SMARCD3: variants seen among roughly 807,000 people sequenced by gnomAD.
The protein encoded by SMARCD3 is SWI/SNF related BAF chromatin remodeling complex subunit D3.
In SMARCD3, 14 loss-of-function variants were observed where a neutral mutation model predicts 58.0. The ratio of observed to expected loss-of-function variants is 0.24; its 90% confidence interval spans 0.16 to 0.38. The LOEUF is 0.38. Ranked by LOEUF, SMARCD3 falls within the 10% of genes least tolerant of loss-of-function variation. The pLI, the probability that SMARCD3 is intolerant of heterozygous loss-of-function variation, is 1.00. For synonymous variants in SMARCD3, 253 were observed against 253.8 expected (o/e 1.00, Z 0.03); for missense variants, 408 against 636.9 (o/e 0.64, Z 3.87).
chr7:151,240,331 G>A, intron 9 of SMARCD3, 84 bp from the exon 10 acceptor site: 1 of 1,603,114 alleles, frequency 6.2e-7, no homozygotes, highest in Non-Finnish European at 8.5e-7. Context: ...CCAACAGGGA[G>A]GGAGAAGAGA....
chr7:151,244,467 A>C (rs1803159186), intron 2 of SMARCD3, among the ~76,000 whole-genome samples: 1 of 152,176 alleles, frequency 6.6e-6, no homozygotes, highest in Non-Finnish European at 1.5e-5. Flanking sequence ...CGCAGCCCAG[A>C]GAATAGCTCC....
rs183353127 is a variant in SMARCD3 at position 151,276,290 on chromosome 7, G to A, written c.-100+415C>T. On this transcript the variant is annotated intron_variant, in intron 1 of 13. Transcript: ENST00000356800. The stretch of plus-strand genomic sequence containing the variant: ...GAAGGTGCTAGGTAGGGGAAGGAGG[G>A]AGAGGATGCCAGGCAGGGGAAGGAG... Among the ~76,000 whole-genome samples the A allele has an allele frequency of 2.8e-3, 416 of 150,522 alleles. 2 individuals are homozygous for A. Among genetic ancestry groups the A allele is most frequent in the African/African-American group, 9.2e-3 (378 of 40,920 alleles).
intron 1 of SMARCD3, among the ~76,000 whole-genome samples, chr7:151,247,519 G>T (rs1803325760): frequency 6.6e-6 from 1 of 152,072 alleles, no homozygotes; most frequent in Non-Finnish European, 1.5e-5. Flanking sequence ...CCCGCCACCA[G>T]CCCCATCCCC....
At chr7:151,251,928 G>GGCCCGCGCCGCCCCTCCCTCC (rs1214666133), upstream of SMARCD3, among the ~76,000 whole-genome samples, 3 of 147,038 alleles carry the variant, frequency 2.0e-5, no homozygotes, top group Admixed American at 6.7e-5. Context: ...GGGCCGGCCC[G>GGCCCGCGCCGCCCCTCCCTCC]GCCCGCGCCG....
intron 2 of SMARCD3, among the ~76,000 whole-genome samples, chr7:151,259,953 A>G (rs546310098): frequency 6.6e-6 from 1 of 152,122 alleles, no homozygotes; most frequent in Non-Finnish European, 1.5e-5. Context: ...TTAGATTTGT[A>G]TAGGACTTTA....
intron 2 of SMARCD3, among the ~76,000 whole-genome samples, chr7:151,274,931 G>A (rs1205465754): frequency 6.6e-6 from 1 of 152,320 alleles, no homozygotes; most frequent in South Asian, 2.1e-4. Context: ...GGACATTAAT[G>A]ACAGGTGTCA....
Position 151,238,940 on chromosome 7 carries a change from C to T in SMARCD3, c.*163G>A. On this transcript the variant is annotated 3_prime_UTR_variant, in exon 13 of 13. Transcript: ENST00000262188. ...TCTTCCCTTCCCCTTCTCTCCCCCT[C>T]CCCTCCCCAGTTTCCAATGACCACA... 9.7e-7 allele frequency: 1 copy of T among 1,035,604 alleles called. No homozygotes were observed. Among genetic ancestry groups the T allele is most frequent in the Non-Finnish European group, 1.5e-6 (1 of 686,926 alleles). 64.2% of individuals were successfully genotyped at this position (1,035,604 alleles called of 1,614,324 possible). A position where few individuals can be genotyped will look rare whatever the true frequency, so the allele number is the denominator to read the frequency against.
At chr7:151,249,941 G>GC (rs11390070), upstream of SMARCD3, among the ~76,000 whole-genome samples, 152,016 of 152,018 alleles carry the variant, frequency 1, 76,007 homozygotes, top group Middle Eastern at 1. This position sits in a 1 kb window ranked among gnomAD's most constrained non-coding sequence, Gnocchi z 4.8. Context: ...TTGGGGAGGA[G>GC]CCGTGGGCTT....
chr7:151,245,983 A>G lies in SMARCD3; in HGVS notation c.79-312T>C, dbSNP rs1224436297. ...TATTAATGGCGCCTTTCAACCTTTC[A>G]AAGATGTTCACATCCACATGCTCCT... On this transcript the variant is annotated intron_variant, in intron 1 of 12. Coordinates refer to ENST00000262188, the MANE Select transcript of SMARCD3 (RefSeq NM_001003801.2). This position sits in a 1 kb window ranked among gnomAD's most constrained non-coding sequence, Gnocchi z 6.2. The G allele has an allele frequency of 8.3e-6, 2 of 241,622 alleles. No individual in the cohort carries two copies. The highest frequency in any genetic ancestry group is 1.6e-5 in the Non-Finnish European group (2 of 126,120). 15.0% of individuals were successfully genotyped at this position (241,622 alleles called of 1,614,324 possible).
In SMARCD3 at chr7:151,245,408, T is replaced by C; in HGVS notation, c.290+52A>G. The C allele has an allele frequency of 1.4e-6, 1 of 703,016 alleles. No homozygotes were observed. Among genetic ancestry groups the C allele is most frequent in the Non-Finnish European group, 2.0e-6 (1 of 506,792 alleles). The allele number at this position is 703,016 out of a possible 1,614,324, so 43.5% of individuals were successfully genotyped here. A position where few individuals can be genotyped will look rare whatever the true frequency, so the allele number is the denominator to read the frequency against. ...TACTCGCTTACCTGGTCCCTGCGGG[T>C]CCCCCAGGGCCCGCCCCTGCACGCC... is the stretch of plus-strand genomic sequence containing the variant. On this transcript the variant is annotated intron_variant, in intron 2 of 12. Coordinates refer to ENST00000262188, the MANE Select transcript of SMARCD3 (RefSeq NM_001003801.2). The surrounding 1 kb of genome is among the most constrained non-coding windows in gnomAD (Gnocchi z 6.2).
At chr7:151,247,421 C>T (rs575375403) in intron 1 of SMARCD3, among the ~76,000 whole-genome samples, 1 of 152,148 alleles carries the variant, frequency 6.6e-6, no homozygotes, top group South Asian at 2.1e-4. Context: ...CTGTCAGCTG[C>T]TCTCCCCAGT....
At chr7:151,247,033 C>A (rs1374137477) in intron 1 of SMARCD3, among the ~76,000 whole-genome samples, 1 of 152,104 alleles carries the variant, frequency 6.6e-6, no homozygotes, top group Non-Finnish European at 1.5e-5. Context: ...TGTCCTCCCA[C>A]CCTCGGTCAG....
chr7:151,250,540 C>T (rs905370534), upstream of SMARCD3, among the ~76,000 whole-genome samples: 18 of 151,670 alleles, frequency 1.2e-4, no homozygotes, highest in African/African-American at 4.4e-4. Context: ...CTGCCCTCTG[C>T]CTTCCCTCTG....
chr7:151,275,283 C>T (rs1156635204), intron 1 of SMARCD3: 9 of 799,678 alleles, frequency 1.1e-5, no homozygotes, highest in East Asian at 2.7e-5. Flanking sequence ...TGAGCCCCAG[C>T]GTAGATTCAA....
Position 151,240,417 on chromosome 7 carries a change from C to T in SMARCD3, c.1037+8G>A. 1 of 1,611,308 alleles carries T rather than the reference C, an allele frequency of 6.2e-7. No individual in the cohort carries two copies. Among genetic ancestry groups the T allele is most frequent in the Non-Finnish European group, 8.5e-7 (1 of 1,177,814 alleles). ...CCTGGTCTGAGAAGCAAGCTGGGGC[C>T]ACCTCACCTGATGACATGGTTGATG... On this transcript the variant is annotated splice_region_variant and intron_variant, in intron 9 of 12. Coordinates refer to ENST00000262188, the MANE Select transcript of SMARCD3 (RefSeq NM_001003801.2).
intron 2 of SMARCD3, among the ~76,000 whole-genome samples, chr7:151,257,173 G>A (rs1008182402): frequency 2.6e-5 from 4 of 152,152 alleles, no homozygotes; most frequent in African/African-American, 4.8e-5. Flanking sequence ...TTTTAGGCGT[G>A]AGCCCCTGCA....
Position 151,258,747 on chromosome 7 carries a change from G to T in SMARCD3, c.40-13076C>A, listed in dbSNP as rs551964885. On this transcript the variant is annotated intron_variant, in intron 2 of 13. Transcript: ENST00000356800. ...GCTCTCACCTCTTGCTATCTCCCCC[G>T]CCACCTTCTCTCTGCCCTGGCTTCT... 1.6e-4 allele frequency among the ~76,000 whole-genome samples: 24 copies of T among 151,810 alleles called. No individual in the cohort carries two copies. The Middle Eastern group carries it at 0.014, about 86-fold the overall frequency.
chr7:151,242,419 C>G lies in SMARCD3; in HGVS notation c.579+62G>C. On this transcript the variant is annotated intron_variant, in intron 5 of 12. Transcript: ENST00000262188. This position sits in a 1 kb window ranked among gnomAD's most constrained non-coding sequence, Gnocchi z 4.7. ...TAGCCCTTAGTGCAGACACCTTGTT[C>G]TGTTCTCAGTGCAGCCCATGCCCAC... 6.3e-7 allele frequency: 1 copy of G among 1,597,340 alleles called. No homozygotes were observed. Among genetic ancestry groups the G allele is most frequent in the Non-Finnish European group, 8.5e-7 (1 of 1,170,866 alleles).
upstream of SMARCD3, among the ~76,000 whole-genome samples, chr7:151,252,751 C>T (rs1342848752): frequency 6.6e-6 from 1 of 152,046 alleles, no homozygotes; most frequent in Non-Finnish European, 1.5e-5. Flanking sequence ...CCAGGGGCAT[C>T]AGGCACCTTC....
Sources: gnomAD v4.1 joint callset for allele counts (sites outside exome capture counted in the v4.1 genomes callset) on GRCh38, gnomAD v4.1.1 for gene constraint, Gnocchi (gnomAD v3.1) non-coding constraint, MANE v1.5 for transcripts, NCBI Gene and HGNC (gene_info 2026-07-23, HGNC 2026-07-21) for gene names.